Variants in DLGAP2 observed in about 807,000 individuals in gnomAD.
DLGAP2 encodes disks large-associated protein 2.
DLGAP2 carries 26 observed loss-of-function variants against 100.3 expected under a neutral mutation model. The ratio of observed to expected loss-of-function variants is 0.26; its 90% CI spans 0.19 to 0.36. The LOEUF (loss-of-function observed/expected upper bound fraction) is 0.36. DLGAP2 is among the 10% of genes least tolerant of loss of function. The pLI is 1.00. For synonymous variants in DLGAP2, 886 were observed against 630.1 expected (o/e 1.41, Z -6.08); for missense variants, 1,858 against 1,453.2 (o/e 1.28, Z -4.53).
chr8:1,636,155 T>C (rs182364877), intron 8 of DLGAP2, among the ~76,000 whole-genome samples: 6 of 152,358 alleles, frequency 3.9e-5, no homozygotes, highest in Admixed American at 3.9e-4. Flanking sequence ...ATCGGATTGC[T>C]TTACTTGTCC....
At chr8:1,387,996 G>T (rs904641469) in intron 3 of DLGAP2, among the ~76,000 whole-genome samples, 11 of 152,210 alleles carry the variant, frequency 7.2e-5, no homozygotes, top group African/African-American at 2.7e-4. Flanking sequence ...AACACGGTGG[G>T]CGCAGAGCTG....
At chr8:1,521,010 C>T (rs764339760) in intron 4 of DLGAP2, among the ~76,000 whole-genome samples, 1 of 152,156 alleles carries the variant, frequency 6.6e-6, no homozygotes, top group African/African-American at 2.4e-5. Flanking sequence ...TCCTGGCCGG[C>T]GTGTGGTACT....
At chr8:1,234,645 G>A (rs531058925) in intron 2 of DLGAP2, among the ~76,000 whole-genome samples, 45 of 152,256 alleles carry the variant, frequency 3.0e-4, no homozygotes, top group South Asian at 2.7e-3. Flanking sequence ...AAATAATCCC[G>A]TCTCTGGAAC....
In DLGAP2 at chr8:1,001,095, T is replaced by A. The variant is rs77998003; in HGVS notation, c.73+93129T>A. 2.8e-3 allele frequency among the ~76,000 whole-genome samples: 426 copies of A among 152,324 alleles called. 9 individuals carry two copies. The highest frequency in any genetic ancestry group is 6.6e-3 in the East Asian group (34 of 5,188). ...GTGGCAATGACAGAGGGAATCACAA[T>A]TTCTCCACTCTCTTCTTTTGATATA... On this transcript the variant is annotated intron_variant, in intron 2 of 14. Transcript: ENST00000637795.
intron 1 of DLGAP2, among the ~76,000 whole-genome samples, chr8:820,788 G>A (rs549533036): frequency 6.2e-4 from 94 of 152,294 alleles, no homozygotes; most frequent in Non-Finnish European, 1.2e-3. Flanking sequence ...CTTAGGAAAT[G>A]GGAAAATTGG....
chr8:908,459 T>C (rs897354539), intron 2 of DLGAP2, among the ~76,000 whole-genome samples: 4 of 152,168 alleles, frequency 2.6e-5, no homozygotes, highest in African/African-American at 9.7e-5. Context: ...CATGAATGTT[T>C]TGAAGTGGGA....
intron 1 of DLGAP2, among the ~76,000 whole-genome samples, chr8:900,503 ATTC>A (rs1393531913): frequency 3.3e-5 from 5 of 152,138 alleles, no homozygotes; most frequent in African/African-American, 1.2e-4. Context: ...TATAATTACT[ATTC>A]TTTGTCTCCC....
intron 1 of DLGAP2, among the ~76,000 whole-genome samples, chr8:845,893 T>G (rs562641967): frequency 6.6e-6 from 1 of 152,264 alleles, no homozygotes; most frequent in Non-Finnish European, 1.5e-5. Context: ...CCAGCTTTCC[T>G]GGTACCATCT....
chr8:954,039 T>C (rs1799541583), intron 2 of DLGAP2, among the ~76,000 whole-genome samples: 1 of 152,198 alleles, frequency 6.6e-6, no homozygotes, highest in Non-Finnish European at 1.5e-5. Flanking sequence ...CTCTCCCCTA[T>C]GTGTGCACTG....
chr8:908,192 T>C, intron 2 of DLGAP2, among the ~76,000 whole-genome samples: 1 of 152,214 alleles, frequency 6.6e-6, no homozygotes, highest in East Asian at 1.9e-4. Flanking sequence ...ACAGAGGAAA[T>C]AGTTTTATTA....
intron 3 of DLGAP2, among the ~76,000 whole-genome samples, chr8:1,339,611 G>GT (rs1328421513): frequency 6.6e-6 from 1 of 152,240 alleles, no homozygotes; most frequent in Non-Finnish European, 1.5e-5. Context: ...TGTAGAATCT[G>GT]TAACAGGAGC....
chr8:896,529 A>T (rs1011390903), intron 1 of DLGAP2, among the ~76,000 whole-genome samples: 2 of 152,064 alleles, frequency 1.3e-5, no homozygotes, highest in African/African-American at 4.8e-5. Flanking sequence ...CCAAATTCCT[A>T]TGTTGAAGCC....
chr8:1,599,494 A>G (rs761038071), intron 6 of DLGAP2, among the ~76,000 whole-genome samples: 2 of 152,176 alleles, frequency 1.3e-5, no homozygotes, highest in Non-Finnish European at 2.9e-5. Flanking sequence ...ATGGGAGTCT[A>G]AGTCTCTTTG....
intron 2 of DLGAP2, chr8:1,019,461 C>G (rs1004098379): frequency 1.3e-5 from 2 of 151,986 alleles, no homozygotes; most frequent in African/African-American, 4.8e-5. Flanking sequence ...AAGATTTTCA[C>G]CGAGAATCGC....
At chr8:1,064,022 G>T (rs1202915180) in intron 2 of DLGAP2, among the ~76,000 whole-genome samples, 1 of 152,148 alleles carries the variant, frequency 6.6e-6, no homozygotes, top group African/African-American at 2.4e-5. Flanking sequence ...TTCTCCAGAA[G>T]AGCAGTTAGG....
intron 1 of DLGAP2, among the ~76,000 whole-genome samples, chr8:897,676 G>A (rs951937569): frequency 3.3e-5 from 5 of 151,768 alleles, no homozygotes; most frequent in Admixed American, 1.3e-4. Context: ...CCCGGCAGCC[G>A]CTCTCCTCCC....
At chr8:1,088,995 T>A (rs1274520997) in intron 2 of DLGAP2, among the ~76,000 whole-genome samples, 3 of 115,488 alleles carry the variant, frequency 2.6e-5, no homozygotes, top group African/African-American at 1.1e-4. Flanking sequence ...GCTATGCCAT[T>A]CTCGCTCCCC....
intron 2 of DLGAP2, among the ~76,000 whole-genome samples, chr8:1,095,090 C>T (rs1179784709): frequency 2.8e-5 from 4 of 141,214 alleles, no homozygotes; most frequent in Non-Finnish European, 6.1e-5. Context: ...AGTGAGACAG[C>T]CTGGGGCAGC....
chr8:835,055 G>A (rs568081164), intron 1 of DLGAP2, among the ~76,000 whole-genome samples: 4 of 152,240 alleles, frequency 2.6e-5, no homozygotes, highest in African/African-American at 4.8e-5. Context: ...ATGTGTGCAC[G>A]TGTTAGTGTG....
Sources: gnomAD v4.1 joint callset for allele counts (sites outside exome capture counted in the v4.1 genomes callset) on GRCh38, gnomAD v4.1.1 for gene constraint, MANE v1.5 for transcripts, NCBI Gene and HGNC (gene_info 2026-07-23, HGNC 2026-07-21) for gene names.